AUTS2: variants seen among roughly 807,000 people sequenced by gnomAD.
AUTS2 encodes activator of transcription and developmental regulator AUTS2.
In AUTS2, 17 loss-of-function variants were observed where a neutral mutation model predicts 112.4. That is an observed-to-expected ratio of 0.15 (90% CI 0.10 to 0.23). The LOEUF (loss-of-function observed/expected upper bound fraction) is 0.23, where lower values mean the gene tolerates loss of function less well. Ranked by LOEUF, AUTS2 falls within the 10% of genes least tolerant of loss-of-function variation. The probability of loss-of-function intolerance (pLI) is 1.00; values close to 1 mark genes in which losing one functional copy is unlikely to be tolerated. For missense variants in AUTS2, 1,510 were observed against 1,701.6 expected, an observed-to-expected ratio of 0.89 and a Z score of 1.98; for synonymous variants, 751 against 702.7, an observed-to-expected ratio of 1.07 and a Z score of -1.09.
intron 1 of AUTS2, among the ~76,000 whole-genome samples, chr7:69,714,644 C>T (rs1208278616): frequency 6.6e-6 from 1 of 152,108 alleles, no homozygotes; most frequent in Non-Finnish European, 1.5e-5. Context: ...CAGTGTGAGA[C>T]TTTCAACTTT....
intron 2 of AUTS2, among the ~76,000 whole-genome samples, chr7:69,957,952 T>C (rs1481003000): frequency 6.6e-6 from 1 of 152,144 alleles, no homozygotes; most frequent in Non-Finnish European, 1.5e-5. Context: ...TCTGCAAGTG[T>C]AGCCTACACA....
chr7:69,757,551 C>T (rs1787991762), intron 1 of AUTS2, among the ~76,000 whole-genome samples: 1 of 152,136 alleles, frequency 6.6e-6, no homozygotes, highest in Non-Finnish European at 1.5e-5. Flanking sequence ...ATGGGCAATA[C>T]ACAATGTGTT....
intron 1 of AUTS2, 64 bp downstream of exon 1, chr7:69,600,026 T>C (rs987451300): frequency 6.5e-6 from 10 of 1,540,160 alleles, no homozygotes; most frequent in Non-Finnish European, 8.9e-6. Flanking sequence ...TGCGCCCGGC[T>C]CTCCTGCCTC....
intron 5 of AUTS2, among the ~76,000 whole-genome samples, chr7:70,497,913 A>G (rs1343626154): frequency 6.6e-6 from 1 of 151,920 alleles, no homozygotes; most frequent in African/African-American, 2.4e-5. Flanking sequence ...ATCAGACACT[A>G]CTCCAGCCGC....
chr7:70,416,660 C>T lies in AUTS2; in HGVS notation c.661-19092C>T, dbSNP rs113957242. Among the ~76,000 whole-genome samples the T allele has an allele frequency of 6.5e-3, 992 of 152,358 alleles. 4 individuals are homozygous for T. Among genetic ancestry groups the T allele is most frequent in the Non-Finnish European group, 0.01 (702 of 68,038 alleles). On this transcript the variant is annotated intron_variant, in intron 4 of 18. Coordinates refer to ENST00000342771, the MANE Select transcript of AUTS2 (RefSeq NM_015570.4). ...ACCTGTCCGGCAACCCACAGCGGCC[C>T]ACAAAATATGTTCTCTCGCCTACAA...
chr7:70,724,864 T>A (rs1786934182), intron 6 of AUTS2, among the ~76,000 whole-genome samples: 1 of 152,204 alleles, frequency 6.6e-6, no homozygotes, highest in Non-Finnish European at 1.5e-5. Flanking sequence ...CAATTTACTG[T>A]CTCCATTACA....
At chr7:70,075,748 A>C (rs1427531511) in intron 2 of AUTS2, among the ~76,000 whole-genome samples, 1 of 152,216 alleles carries the variant, frequency 6.6e-6, no homozygotes, top group Non-Finnish European at 1.5e-5. Flanking sequence ...GCTTGATGTC[A>C]GCTCAGAAAA....
chr7:70,301,978 A>G (rs948604209), intron 4 of AUTS2, among the ~76,000 whole-genome samples: 1 of 151,686 alleles, frequency 6.6e-6, no homozygotes, highest in Non-Finnish European at 1.5e-5. Flanking sequence ...CATTCTCGCC[A>G]TATTGCCCAG....
At chr7:70,784,851 T>G in intron 15 of AUTS2, 91 bp from the exon 16 acceptor site, 2 of 1,141,746 alleles carry the variant, frequency 1.8e-6, no homozygotes, top group Non-Finnish European at 2.6e-6. Context: ...TGAACATATT[T>G]TCTCACGGGG....
chr7:70,112,880 CTT>C (rs984011499), intron 2 of AUTS2, among the ~76,000 whole-genome samples: 47 of 152,102 alleles, frequency 3.1e-4, no homozygotes, highest in African/African-American at 1.1e-3. Context: ...TATCAGAACA[CTT>C]TGTTTTACAC....
chr7:70,460,052 G>A (rs1439305954), intron 5 of AUTS2, among the ~76,000 whole-genome samples: 7 of 152,136 alleles, frequency 4.6e-5, no homozygotes, highest in South Asian at 2.1e-4. Context: ...CCACAGCCCC[G>A]GGAGGTGGAG....
intron 4 of AUTS2, among the ~76,000 whole-genome samples, chr7:70,340,206 G>A (rs2129620531): frequency 8.7e-6 from 1 of 115,290 alleles, no homozygotes. Flanking sequence ...CCCGTAATAA[G>A]TTAAGAGTCT....
chr7:70,026,261 C>T (rs1229136819), intron 2 of AUTS2, among the ~76,000 whole-genome samples: 1 of 152,202 alleles, frequency 6.6e-6, no homozygotes, highest in African/African-American at 2.4e-5. Flanking sequence ...ATACTCTTTA[C>T]CTTCTTTGTA....
chr7:70,531,018 C>T (rs1166267346), intron 5 of AUTS2, among the ~76,000 whole-genome samples: 2 of 147,130 alleles, frequency 1.4e-5, no homozygotes, highest in Non-Finnish European at 3.0e-5. Context: ...TTTTGCTGTG[C>T]AACAGACTTG....
intron 2 of AUTS2, among the ~76,000 whole-genome samples, chr7:70,112,590 A>G (rs1425918698): frequency 1.3e-5 from 2 of 151,982 alleles, no homozygotes; most frequent in East Asian, 1.9e-4. Flanking sequence ...TTTACTTTGT[A>G]TAGTTTTGTA....
In AUTS2 at chr7:70,304,636, G is replaced by A. The variant is rs117493976; in HGVS notation, c.661-131116G>A. On this transcript the variant is annotated intron_variant, in intron 4 of 18. Transcript: ENST00000342771. ...GGAAAACTTCCTGTTGTGAGAGCAG[G>A]GCTGGTTCCCTTTTAAAAAGGTATA... Among the ~76,000 whole-genome samples the A allele has an allele frequency of 5.2e-3, 795 of 152,148 alleles. 6 individuals carry two copies. The highest frequency in any genetic ancestry group is 5.4e-3 in the Non-Finnish European group (367 of 68,010).
At chr7:70,617,283 A>G (rs1414722045) in intron 5 of AUTS2, among the ~76,000 whole-genome samples, 1 of 152,222 alleles carries the variant, frequency 6.6e-6, no homozygotes. Flanking sequence ...CTAAATGACC[A>G]CTAGTCCCTC....
At chr7:69,894,254 T>TTTTTG in intron 1 of AUTS2, among the ~76,000 whole-genome samples, 1 of 127,666 alleles carries the variant, frequency 7.8e-6, no homozygotes, top group African/African-American at 3.0e-5. Context: ...CTTAAAGCGT[T>TTTTTG]TTTTTTTTTT....
intron 1 of AUTS2, among the ~76,000 whole-genome samples, chr7:69,801,420 A>G (rs1790075421): frequency 6.6e-6 from 1 of 150,862 alleles, no homozygotes; most frequent in South Asian, 2.1e-4. Context: ...TCTTATTGAT[A>G]TACCATATAT....
Sources: gnomAD v4.1 joint callset for allele counts (sites outside exome capture counted in the v4.1 genomes callset) on GRCh38, gnomAD v4.1.1 for gene constraint, MANE v1.5 for transcripts, NCBI Gene and HGNC (gene_info 2026-07-23, HGNC 2026-07-21) for gene names.